The following EEPD1 variants were observed in gnomAD, a reference collection of about 807,000 sequenced individuals.
The protein encoded by EEPD1 is endonuclease/exonuclease/phosphatase family domain-containing protein 1.
A neutral mutation model predicts 46.3 loss-of-function variants in EEPD1; 17 were observed. The ratio of observed to expected loss-of-function variants is 0.37; its 90% confidence interval spans 0.25 to 0.55. The LOEUF is 0.55. EEPD1 is among the 20% of genes least tolerant of loss of function. EEPD1 has a pLI of 0.83. For synonymous variants in EEPD1, 313 were observed against 315.6 expected (o/e 0.99, Z 0.09); for missense variants, 673 against 745.6 (o/e 0.90, Z 1.13).
In EEPD1 at chr7:36,296,984, C is replaced by G; in HGVS notation, c.1316-9C>G. The G allele has an allele frequency of 1.2e-6, 2 of 1,612,548 alleles. No individual in the cohort carries two copies. Among genetic ancestry groups the G allele is most frequent in the Non-Finnish European group, 8.5e-7 (1 of 1,178,820 alleles). Reference sequence around the variant, plus strand: ...ACTCTTAAACTCATTTTCTTCCTTCCACTTCCAGGAGAAAAGGATGTCATT... The same window carrying G: ...ACTCTTAAACTCATTTTCTTCCTTCGACTTCCAGGAGAAAAGGATGTCATT... On this transcript the variant is annotated splice_polypyrimidine_tract_variant and intron_variant, in intron 6 of 7. Transcript: ENST00000242108.
intron 2 of EEPD1, among the ~76,000 whole-genome samples, chr7:36,170,548 G>A (rs973366552): frequency 1.4e-5 from 2 of 144,226 alleles, no homozygotes; most frequent in African/African-American, 5.1e-5. Flanking sequence ...CTTCTCTTTG[G>A]TTTCATGTTA....
chr7:36,155,313 T>A, intron 2 of EEPD1, 111 bp downstream of exon 2: 1 of 1,283,864 alleles, frequency 7.8e-7, no homozygotes. Context: ...TGCAAGAGTT[T>A]TTAATCAATG....
At chr7:36,208,448 G>T (rs1785863818) in intron 2 of EEPD1, among the ~76,000 whole-genome samples, 1 of 152,226 alleles carries the variant, frequency 6.6e-6, no homozygotes, top group African/African-American at 2.4e-5. Flanking sequence ...TGCAATTCAG[G>T]CCCAGTGGCT....
chr7:36,183,102 G>A (rs1022929332), intron 2 of EEPD1, among the ~76,000 whole-genome samples: 9 of 152,184 alleles, frequency 5.9e-5, no homozygotes, highest in South Asian at 2.1e-4. Flanking sequence ...CCCTAAGCCC[G>A]GCTCCTGAGG....
chr7:36,253,477 T>C (rs1786780341), intron 3 of EEPD1, among the ~76,000 whole-genome samples: 1 of 152,246 alleles, frequency 6.6e-6, no homozygotes, highest in Non-Finnish European at 1.5e-5. Flanking sequence ...ATGGTTTATG[T>C]TGTAGTTCAA....
intron 3 of EEPD1, among the ~76,000 whole-genome samples, chr7:36,254,604 T>C (rs1439093722): frequency 6.6e-6 from 1 of 152,196 alleles, no homozygotes; most frequent in African/African-American, 2.4e-5. Flanking sequence ...GCATGTGTCT[T>C]TATAGTAGAA....
At chr7:36,265,923 T>G (rs897380785) in intron 3 of EEPD1, among the ~76,000 whole-genome samples, 2 of 152,228 alleles carry the variant, frequency 1.3e-5, no homozygotes, top group African/African-American at 4.8e-5. Flanking sequence ...CAGGCATGGC[T>G]GGCATTTCCT....
chr7:36,220,478 A>G (rs529127200), intron 2 of EEPD1, among the ~76,000 whole-genome samples: 1 of 152,272 alleles, frequency 6.6e-6, no homozygotes, highest in Admixed American at 6.5e-5. Context: ...AACCTCATGG[A>G]AGTTCCATAG....
At chr7:36,191,590 A>G (rs1002429646) in intron 2 of EEPD1, among the ~76,000 whole-genome samples, 2 of 152,148 alleles carry the variant, frequency 1.3e-5, no homozygotes, top group African/African-American at 4.8e-5. Flanking sequence ...AGCTAACTAG[A>G]ACTGGTTTTC....
At chr7:36,196,721 G>A (rs1219830078) in intron 2 of EEPD1, among the ~76,000 whole-genome samples, 1 of 152,206 alleles carries the variant, frequency 6.6e-6, no homozygotes, top group Non-Finnish European at 1.5e-5. Flanking sequence ...GTGCTCAATG[G>A]TGCCCAGGCT....
intron 3 of EEPD1, among the ~76,000 whole-genome samples, chr7:36,261,196 T>A (rs761046547): frequency 5.3e-5 from 8 of 152,130 alleles, no homozygotes; most frequent in Admixed American, 2.6e-4. Context: ...AAATAGAATA[T>A]ACCAGGTTCC....
intron 2 of EEPD1, among the ~76,000 whole-genome samples, chr7:36,222,212 T>G (rs1302980462): frequency 1.3e-5 from 2 of 152,200 alleles, no homozygotes; most frequent in Non-Finnish European, 2.9e-5. Flanking sequence ...ACAAGTATTT[T>G]GTATGTCATA....
At chr7:36,228,153 A>G (rs1215135530) in intron 2 of EEPD1, among the ~76,000 whole-genome samples, 1 of 152,156 alleles carries the variant, frequency 6.6e-6, no homozygotes, top group Non-Finnish European at 1.5e-5. Flanking sequence ...TGAAAGGGAA[A>G]AGAGGCGTGT....
chr7:36,258,306 G>A (rs527418915), intron 3 of EEPD1, among the ~76,000 whole-genome samples: 4 of 152,340 alleles, frequency 2.6e-5, no homozygotes, highest in African/African-American at 7.2e-5. Context: ...CACAGGGTCA[G>A]GGACCCACTT....
At chr7:36,283,715 C>T (rs560735128) in intron 4 of EEPD1, among the ~76,000 whole-genome samples, 2 of 152,322 alleles carry the variant, frequency 1.3e-5, no homozygotes, top group African/African-American at 4.8e-5. Flanking sequence ...TTCCCTCCCT[C>T]CCTCCTCCTA....
rs779460236 is a variant in EEPD1 at position 36,191,685 on chromosome 7, G to A, written c.878+36483G>A. Among the ~76,000 whole-genome samples the A allele has an allele frequency of 2.6e-5, 4 of 152,240 alleles. No individual in the cohort carries two copies. In the South Asian group the frequency reaches 6.2e-4, roughly 24 times the overall value. ...TCAGTGACGTGTTCAGCTGCCTGGT[G>A]TGTTATAGTTTGAGCCATCCCAGGA... On this transcript the variant is annotated intron_variant, in intron 2 of 7. Transcript: ENST00000242108.
intron 2 of EEPD1, among the ~76,000 whole-genome samples, chr7:36,175,130 G>A (rs1176447265): frequency 6.6e-6 from 1 of 152,226 alleles, no homozygotes; most frequent in Non-Finnish European, 1.5e-5. Flanking sequence ...CACAAGACTA[G>A]GTTACAGTCT....
intron 3 of EEPD1, among the ~76,000 whole-genome samples, chr7:36,248,735 A>G (rs959706207): frequency 6.6e-6 from 1 of 152,014 alleles, no homozygotes; most frequent in African/African-American, 2.4e-5. Flanking sequence ...GAGTAAACTC[A>G]TTGTAATCAC....
At chr7:36,210,105 G>A (rs1785900866) in intron 2 of EEPD1, among the ~76,000 whole-genome samples, 1 of 152,108 alleles carries the variant, frequency 6.6e-6, no homozygotes, top group South Asian at 2.1e-4. Context: ...ATGAGGTGGT[G>A]GGTGGGTAGG....
Sources: gnomAD v4.1 joint callset for allele counts (sites outside exome capture counted in the v4.1 genomes callset) on GRCh38, gnomAD v4.1.1 for gene constraint, MANE v1.5 for transcripts, NCBI Gene and HGNC (gene_info 2026-07-23, HGNC 2026-07-21) for gene names.